The following DOCK1 variants were observed in gnomAD, a reference collection of about 807,000 sequenced individuals.
DOCK1 encodes the protein dedicator of cytokinesis 1, also known as dedicator of cytokinesis protein 1.
Under a neutral mutation model 262.7 loss-of-function variants are expected in DOCK1, and 138 were observed. The observed-to-expected ratio is 0.53, with a 90% CI of 0.46 to 0.61. DOCK1 has a LOEUF of 0.61. DOCK1 is among the 20% of genes least tolerant of loss of function. The pLI is 0.00. For missense variants in DOCK1, 1,908 were observed against 2,370.7 expected (o/e 0.80, Z 4.05); for synonymous variants, 866 against 867.4 (o/e 1.00, Z 0.03).
chr10:127,102,122 T>C (rs148122658), intron 23 of DOCK1, among the ~76,000 whole-genome samples: 1 of 152,156 alleles, frequency 6.6e-6, no homozygotes, highest in South Asian at 2.1e-4. Context: ...AGTGGAGATT[T>C]ATGGGGCTAA....
chr10:127,224,283 G>A (rs558201521), intron 27 of DOCK1, among the ~76,000 whole-genome samples: 2 of 152,118 alleles, frequency 1.3e-5, no homozygotes, highest in African/African-American at 2.4e-5. Context: ...ATGTTTGGCC[G>A]GGTGCAGTGG....
intron 23 of DOCK1, among the ~76,000 whole-genome samples, chr10:127,098,266 C>T (rs2048024957): frequency 6.6e-6 from 1 of 152,218 alleles, no homozygotes; most frequent in Non-Finnish European, 1.5e-5. Context: ...CAATTTCTAT[C>T]ACCCTGATCT....
At chr10:127,099,818 C>T (rs996160484) in intron 23 of DOCK1, among the ~76,000 whole-genome samples, 2 of 152,196 alleles carry the variant, frequency 1.3e-5, no homozygotes, top group Admixed American at 6.5e-5. Flanking sequence ...GATTCCTAAC[C>T]TGGCACCTGT....
intron 1 of DOCK1, among the ~76,000 whole-genome samples, chr10:126,920,449 G>C (rs1043322780): frequency 6.6e-6 from 1 of 152,214 alleles, no homozygotes; most frequent in South Asian, 2.1e-4. Flanking sequence ...TGGGACCCCA[G>C]TGGGGCTCCC....
At chr10:127,120,503 G>GATA in intron 25 of DOCK1, among the ~76,000 whole-genome samples, 1 of 152,160 alleles carries the variant, frequency 6.6e-6, no homozygotes, top group Non-Finnish European at 1.5e-5. Flanking sequence ...TATTACTAAT[G>GATA]ATACATATTT....
At position 127,283,438 on chromosome 10, in the gene DOCK1, A is replaced by G. The variant is rs180851978; in HGVS notation, c.3044+26009A>G. On this transcript the variant is annotated intron_variant, in intron 29 of 51. Coordinates refer to ENST00000623213, the MANE Select transcript of DOCK1 (RefSeq NM_001290223.2). Reference sequence around the variant, plus strand: ...CACTGTCTGATCCAACTCACATGCCAGAGGAACACTGAATAGTTTCCTTCC... The same window carrying G: ...CACTGTCTGATCCAACTCACATGCCGGAGGAACACTGAATAGTTTCCTTCC... 1.1e-3 allele frequency among the ~76,000 whole-genome samples: 166 copies of G among 152,354 alleles called. 4 individuals carry two copies. The highest frequency in any genetic ancestry group is 0.011 in the Admixed American group (164 of 15,308).
intron 25 of DOCK1, among the ~76,000 whole-genome samples, chr10:127,115,079 C>T (rs1378176867): frequency 3.3e-5 from 5 of 152,082 alleles, no homozygotes; most frequent in Non-Finnish European, 5.9e-5. Flanking sequence ...TATCTATATG[C>T]CCGTCCCCCA....
chr10:127,334,365 A>G (rs1041088035), intron 29 of DOCK1, among the ~76,000 whole-genome samples: 3 of 152,244 alleles, frequency 2.0e-5, no homozygotes, highest in African/African-American at 7.2e-5. Flanking sequence ...TAATGGGGTT[A>G]AATGTCCAGG....
At chr10:127,060,465 C>T (rs1223541232) in intron 22 of DOCK1, among the ~76,000 whole-genome samples, 1 of 152,164 alleles carries the variant, frequency 6.6e-6, no homozygotes, top group Non-Finnish European at 1.5e-5. Flanking sequence ...ATCAGACTAC[C>T]TCTAGGGTAA....
intron 1 of DOCK1, among the ~76,000 whole-genome samples, chr10:126,940,968 A>G (rs1033915463): frequency 1.4e-4 from 22 of 152,236 alleles, no homozygotes; most frequent in Non-Finnish European, 2.5e-4. Flanking sequence ...TGTAGTCATG[A>G]ATCCATATAT....
intron 27 of DOCK1, among the ~76,000 whole-genome samples, chr10:127,219,273 T>C (rs1223425133): frequency 6.6e-6 from 1 of 152,182 alleles, no homozygotes; most frequent in Non-Finnish European, 1.5e-5. Flanking sequence ...TGAATGTGCT[T>C]TGCCATCTTA....
At chr10:127,198,604 G>A (rs1230979651) in intron 27 of DOCK1, among the ~76,000 whole-genome samples, 1 of 152,204 alleles carries the variant, frequency 6.6e-6, no homozygotes, top group East Asian at 1.9e-4. Flanking sequence ...AGCCGTAATT[G>A]GCAGGTTAGA....
At chr10:127,317,341 T>C (rs1239793289) in intron 29 of DOCK1, among the ~76,000 whole-genome samples, 3 of 152,198 alleles carry the variant, frequency 2.0e-5, no homozygotes, top group Non-Finnish European at 1.5e-5. Flanking sequence ...GAAGCAATGT[T>C]TTTTCCAAAA....
intron 18 of DOCK1, among the ~76,000 whole-genome samples, chr10:127,032,843 C>G (rs1048974879): frequency 6.6e-6 from 1 of 152,222 alleles, no homozygotes; most frequent in Non-Finnish European, 1.5e-5. Context: ...AGGCACGAGC[C>G]ACTGTGCCCA....
intron 6 of DOCK1, among the ~76,000 whole-genome samples, chr10:126,996,265 A>G (rs1018386705): frequency 1.3e-5 from 2 of 151,530 alleles, no homozygotes; most frequent in Non-Finnish European, 2.9e-5. Flanking sequence ...CTGTAACCCC[A>G]GCTACTCGGG....
At position 127,427,272 on chromosome 10, in the gene DOCK1, G is replaced by A. The variant is rs886372090; in HGVS notation, c.4914+1261G>A. 3.9e-5 allele frequency among the ~76,000 whole-genome samples: 6 copies of A among 152,176 alleles called. No homozygotes were observed. The South Asian group carries it at 6.2e-4, about 16-fold the overall frequency. ...GCGCTGCTTCTCCCAGGTAACATAC[G>A]GCACTTTCCTCTGCTCCTTGAAGAC... On this transcript the variant is annotated intron_variant, in intron 47 of 51. Transcript: ENST00000623213.
At position 127,418,554 on chromosome 10, in the gene DOCK1, C is replaced by G. The variant is rs1383380252; in HGVS notation, c.4692+13C>G. 3 of 1,608,256 alleles carry G rather than the reference C, an allele frequency of 1.9e-6. No homozygotes were observed. The South Asian group carries it at 3.3e-5, about 18-fold the overall frequency. On this transcript the variant is annotated intron_variant, in intron 45 of 51. Transcript: ENST00000623213. Reference sequence around the variant, plus strand: ...AAACTACGAAAAGGTACGGGACCCACCAGCTTGCTCTGGGCAAGCAGTCCT... The same window carrying G: ...AAACTACGAAAAGGTACGGGACCCAGCAGCTTGCTCTGGGCAAGCAGTCCT...
At chr10:127,221,465 C>A (rs564252308) in intron 27 of DOCK1, among the ~76,000 whole-genome samples, 1 of 152,246 alleles carries the variant, frequency 6.6e-6, no homozygotes, top group East Asian at 1.9e-4. Flanking sequence ...AGGGCCTCTC[C>A]AGGTGAGAGG....
At chr10:127,269,753 C>A (rs531997599) in intron 29 of DOCK1, among the ~76,000 whole-genome samples, 16 of 152,162 alleles carry the variant, frequency 1.1e-4, no homozygotes, top group Non-Finnish European at 2.4e-4. Context: ...TGAGTGGCTC[C>A]GGGCCCCCTG....
Sources: gnomAD v4.1 joint callset for allele counts (sites outside exome capture counted in the v4.1 genomes callset) on GRCh38, gnomAD v4.1.1 for gene constraint, MANE v1.5 for transcripts, NCBI Gene and HGNC (gene_info 2026-07-23, HGNC 2026-07-21) for gene names.